Variants in TMED10 observed in about 807,000 individuals in gnomAD.
The protein encoded by TMED10 is transmembrane emp24 domain-containing protein 10.
A neutral mutation model predicts 23.1 loss-of-function variants in TMED10; 7 were observed. The observed-to-expected ratio is 0.30, with a 90% confidence interval of 0.17 to 0.57. The LOEUF (loss-of-function observed/expected upper bound fraction) is 0.57, where lower values mean the gene tolerates loss of function less well. TMED10 is among the 20% of genes least tolerant of loss of function. The pLI is 0.91. For missense variants in TMED10, 162 were observed against 274.8 expected, an observed-to-expected ratio of 0.59 and a Z score of 2.90; for synonymous variants, 113 against 106.9, an observed-to-expected ratio of 1.06 and a Z score of -0.35.
At position 75,140,992 on chromosome 14, in the gene TMED10, TTAAAC is replaced by T. The variant is rs1179006915; in HGVS notation, c.412-5111_412-5107del. ...ATATAAAAAAGTTTCTTGATTTTTT[TTAAAC>T]ATTTTAAGGCCTTAACGTTTTTTTC... On this transcript the variant is annotated intron_variant, in intron 3 of 4. Transcript: ENST00000303575. Among the ~76,000 whole-genome samples, 17 of 152,368 alleles carry T rather than the reference TTAAAC, an allele frequency of 1.1e-4. No homozygotes were observed. The East Asian group carries it at 1.9e-3, about 17-fold the overall frequency.
chr14:75,148,200 G>T (rs145648003), intron 2 of TMED10, among the ~76,000 whole-genome samples: 1 of 152,092 alleles, frequency 6.6e-6, no homozygotes, highest in South Asian at 2.1e-4. Context: ...TTGAGGGAAG[G>T]CCATGATGAA....
chr14:75,158,049 C>A (rs866946292), intron 1 of TMED10, among the ~76,000 whole-genome samples: 21 of 152,226 alleles, frequency 1.4e-4, no homozygotes, highest in African/African-American at 5.1e-4. Flanking sequence ...AAAGGAATGT[C>A]TGAAAAAAGA....
chr14:75,154,430 A>AAAAAAAAAAAAAG (rs1895996502), intron 1 of TMED10, among the ~76,000 whole-genome samples: 1 of 144,598 alleles, frequency 6.9e-6, no homozygotes, highest in Non-Finnish European at 1.5e-5. Flanking sequence ...AAAAAAAAAA[A>AAAAAAAAAAAAAG]GGCATGTATC....
chr14:75,139,031 T>A (rs1161382385), intron 3 of TMED10: 1 of 358,580 alleles, frequency 2.8e-6, no homozygotes, highest in East Asian at 8.3e-5. Flanking sequence ...GGCTAAAAAT[T>A]TAAACTATCC....
intron 3 of TMED10, among the ~76,000 whole-genome samples, chr14:75,138,812 C>CTTTTTTTTTTTTTTTTTT (rs59707221): frequency 4.6e-4 from 44 of 95,050 alleles, no homozygotes; most frequent in Non-Finnish European, 5.5e-4. Context: ...GCCTTTGCTT[C>CTTTTTTTTTTTTTTTTTT]TTTTTTTTTT....
At position 75,176,571 on chromosome 14, in the gene TMED10, A is replaced by T; in HGVS notation, c.9T>A (p.Gly3=). 1 of 1,613,956 alleles carries T rather than the reference A, an allele frequency of 6.2e-7. No individual in the cohort carries two copies. The highest frequency in any genetic ancestry group is 8.5e-7 in the Non-Finnish European group (1 of 1,179,966). The change falls in exon 1 of 5, where the codon GGT becomes GGA. Residue 3 remains glycine (G), a synonymous_variant. Transcript: ENST00000303575. MS[G]LSGPPARRGP... Reference sequence around the variant, plus strand: ...CGCGCCGGGCTGGTGGGCCAGACAAACCAGACATGGTGCTGGAGACTCGTT... The same window carrying T: ...CGCGCCGGGCTGGTGGGCCAGACAATCCAGACATGGTGCTGGAGACTCGTT...
Position 75,133,250 on chromosome 14 carries a change from A to T in TMED10, c.*1635T>A, listed in dbSNP as rs1895708902. The T allele has an allele frequency of 6.6e-6, 1 of 152,214 alleles. No homozygotes were observed. The highest frequency in any genetic ancestry group is 2.4e-5 in the African/African-American group (1 of 41,456). The allele number at this position is 152,214 out of a possible 1,614,324, so 9.4% of individuals were successfully genotyped here. A position where few individuals can be genotyped will look rare whatever the true frequency, so the allele number is the denominator to read the frequency against. On this transcript the variant is annotated 3_prime_UTR_variant, in exon 5 of 5. Coordinates refer to ENST00000303575, the MANE Select transcript of TMED10 (RefSeq NM_006827.6). ...CAAGCAACCACATATCTAACAGAGG[A>T]ATTTTATCTAGGATATATAAAAAAC...
chr14:75,176,299 C>A, intron 1 of TMED10, 56 bp downstream of exon 1: 1 of 1,601,942 alleles, frequency 6.2e-7, no homozygotes, highest in South Asian at 1.1e-5. Context: ...ACCCGAGCCT[C>A]CCCTCGCCTA....
At chr14:75,165,795 T>C (rs1208798471) in intron 1 of TMED10, among the ~76,000 whole-genome samples, 1 of 152,198 alleles carries the variant, frequency 6.6e-6, no homozygotes, top group African/African-American at 2.4e-5. Flanking sequence ...TATAACATAG[T>C]ACATAAGTAT....
At chr14:75,163,081 A>T (rs2359614) in intron 1 of TMED10, among the ~76,000 whole-genome samples, 59,653 of 149,924 alleles carry the variant, frequency 0.4, 12,314 homozygotes, top group Middle Eastern at 0.51. Context: ...AAAATAATTA[A>T]AAAAAAAAAA....
chr14:75,167,294 C>T (rs1896177022), intron 1 of TMED10, among the ~76,000 whole-genome samples: 1 of 152,080 alleles, frequency 6.6e-6, no homozygotes, highest in African/African-American at 2.4e-5. Flanking sequence ...GTACAGATAC[C>T]AGTAATAAAA....
chr14:75,136,017 A>C, intron 3 of TMED10, 131 bp from the exon 4 acceptor site: 1 of 1,318,500 alleles, frequency 7.6e-7, no homozygotes. Context: ...ATCCTAACAT[A>C]TTTTAAAATT....
Position 75,147,651 on chromosome 14 carries a change from G to C in TMED10, c.411+13C>G. 1.2e-6 allele frequency: 2 copies of C among 1,613,998 alleles called. No homozygotes were observed. The highest frequency in any genetic ancestry group is 1.7e-6 in the Non-Finnish European group (2 of 1,179,912). ...ACACTGCTGCCTCCTCTGGCTGTTAGAGCAGGACATACCTCTTCGTAATTT... is the reference window on the plus strand; with the variant it reads ...ACACTGCTGCCTCCTCTGGCTGTTACAGCAGGACATACCTCTTCGTAATTT... On this transcript the variant is annotated intron_variant, in intron 3 of 4. Transcript: ENST00000303575.
intron 2 of TMED10, among the ~76,000 whole-genome samples, chr14:75,150,389 C>A (rs1172629310): frequency 6.6e-6 from 1 of 152,194 alleles, no homozygotes; most frequent in African/African-American, 2.4e-5. Context: ...ACAGCCCCAC[C>A]TGGTCCAAAT....
intron 2 of TMED10, among the ~76,000 whole-genome samples, chr14:75,148,164 A>G (rs1378235378): frequency 6.6e-6 from 1 of 152,200 alleles, no homozygotes; most frequent in Non-Finnish European, 1.5e-5. Flanking sequence ...GTATTTCCAC[A>G]TCTGAAAAGG....
chr14:75,135,995 C>G (rs1566668293), intron 3 of TMED10, 109 bp from the exon 4 acceptor site: 1 of 1,452,114 alleles, frequency 6.9e-7, no homozygotes, highest in Non-Finnish European at 9.3e-7. Context: ...TTTAAATTCT[C>G]TCCTATCAAT....
chr14:75,139,390 T>A (rs1212864185), intron 3 of TMED10, among the ~76,000 whole-genome samples: 3 of 152,094 alleles, frequency 2.0e-5, no homozygotes. Context: ...CCTTTTCTAG[T>A]ACAGGTGCTA....
At chr14:75,137,446 G>A (rs1327266931) in intron 3 of TMED10, among the ~76,000 whole-genome samples, 1 of 147,526 alleles carries the variant, frequency 6.8e-6, no homozygotes, top group Non-Finnish European at 1.5e-5. Flanking sequence ...GCCGAGGTGG[G>A]TGGAACACGA....
At position 75,147,185 on chromosome 14, in the gene TMED10, GTTTTTT is replaced by G. The variant is rs71119349; in HGVS notation, c.411+473_411+478del. ...ACAGCCAGAATTATTCTTCAAGGCT[GTTTTTT>G]TTTTTTTTTTTTTTTGAGATGGAGC... On this transcript the variant is annotated intron_variant, in intron 3 of 4. Coordinates refer to ENST00000303575, the MANE Select transcript of TMED10 (RefSeq NM_006827.6). 3.0e-3 allele frequency among the ~76,000 whole-genome samples: 348 copies of G among 116,532 alleles called. 2 individuals carry two copies. The highest frequency in any genetic ancestry group is 0.022 in the East Asian group (102 of 4,678). 76.4% of individuals were successfully genotyped at this position (116,532 alleles called of 152,430 possible).
Sources: allele counts gnomAD v4.1 joint callset (sites outside exome capture counted in the v4.1 genomes callset), GRCh38; gene constraint gnomAD v4.1.1; transcripts MANE v1.5; gene names NCBI Gene and HGNC (gene_info 2026-07-23, HGNC 2026-07-21).